SORT1: variants seen among roughly 807,000 people sequenced by gnomAD.
SORT1 encodes the protein sortilin.
In SORT1, 39 loss-of-function variants were observed where a neutral mutation model predicts 101.7. The ratio of observed to expected loss-of-function variants is 0.38; its 90% CI spans 0.30 to 0.50. The LOEUF is 0.50. SORT1 is among the 20% of genes least tolerant of loss of function. The probability of loss-of-function intolerance (pLI) is 0.90; values close to 1 mark genes in which losing one functional copy is unlikely to be tolerated. For synonymous variants in SORT1, 396 were observed against 393.7 expected (o/e 1.01, Z -0.07); for missense variants, 878 against 1,040.4 (o/e 0.84, Z 2.15).
intron 9 of SORT1, 26 bp downstream of exon 9, chr1:109,341,988 A>G: frequency 6.2e-7 from 1 of 1,605,546 alleles, no homozygotes; most frequent in Non-Finnish European, 8.5e-7. Flanking sequence ...TATGCTTTTA[A>G]GGGTAAGCCA....
chr1:109,317,999 C>T (rs372874714), intron 15 of SORT1, 30 bp from the exon 16 acceptor site: 31 of 1,423,316 alleles, frequency 2.2e-5, no homozygotes, highest in Non-Finnish European at 2.9e-5. Flanking sequence ...AAGTACCTTT[C>T]AAAGCAGCTG....
At chr1:109,334,492 C>T (rs1393992497) in intron 11 of SORT1, among the ~76,000 whole-genome samples, 2 of 152,138 alleles carry the variant, frequency 1.3e-5, no homozygotes. Flanking sequence ...GTCAAACTCA[C>T]AGAAGCAGGG....
At chr1:109,314,618 G>A (rs1398229793) in intron 18 of SORT1, 54 bp downstream of exon 18, 1 of 1,293,512 alleles carries the variant, frequency 7.7e-7, no homozygotes, top group Admixed American at 1.7e-5. Context: ...ATATGCCCTA[G>A]ATCAGCCTTC....
At chr1:109,378,405 C>T (rs1651992736) in intron 1 of SORT1, among the ~76,000 whole-genome samples, 1 of 151,816 alleles carries the variant, frequency 6.6e-6, no homozygotes, top group Admixed American at 6.6e-5. Context: ...GCCACTGGAT[C>T]ACTTAGACAG....
chr1:109,346,231 T>C (rs1649581859), intron 7 of SORT1, among the ~76,000 whole-genome samples: 1 of 149,916 alleles, frequency 6.7e-6, no homozygotes, highest in African/African-American at 2.5e-5. Context: ...GAGAATGGCG[T>C]GAACCCGGGA....
chr1:109,326,082 T>C (rs1221998586), intron 13 of SORT1, among the ~76,000 whole-genome samples: 1 of 148,998 alleles, frequency 6.7e-6, no homozygotes, highest in Non-Finnish European at 1.5e-5. Context: ...AGACGGGATC[T>C]CACTCTGTCA....
intron 13 of SORT1, 54 bp downstream of exon 13, chr1:109,326,938 T>C (rs1252656745): frequency 2.2e-6 from 3 of 1,342,598 alleles, no homozygotes; most frequent in Admixed American, 4.4e-5. Flanking sequence ...CTGAAGAACA[T>C]TCCCCCAGTT....
chr1:109,340,791 G>A lies in SORT1; in HGVS notation c.1197C>T (p.Gly399=), dbSNP rs185560022. 2.0e-5 allele frequency: 32 copies of A among 1,613,986 alleles called. No individual in the cohort carries two copies. The Admixed American group carries it at 3.7e-4, about 18-fold the overall frequency. Residue 399 remains glycine, a synonymous_variant, in exon 10 of 20, where the codon GGC becomes GGT. Transcript: ENST00000256637. ...TCACGTTGGTAAAGTCCGTCTCTCCGCCTGTGGTAGTGTAGAGATGTCGGT... is the reference window on the plus strand; with the variant it reads ...TCACGTTGGTAAAGTCCGTCTCTCCACCTGTGGTAGTGTAGAGATGTCGGT... ...SLDRHLYTTT[G]GETDFTNVTS... is the part of the protein sequence containing the mutation.
At chr1:109,346,186 G>A (rs1277713636) in intron 7 of SORT1, among the ~76,000 whole-genome samples, 5 of 151,730 alleles carry the variant, frequency 3.3e-5, no homozygotes, top group African/African-American at 9.7e-5. Flanking sequence ...GGTGGTGGGC[G>A]CCTGTAGTCC....
At chr1:109,370,310 A>G (rs1177895263) in intron 1 of SORT1, among the ~76,000 whole-genome samples, 1 of 152,112 alleles carries the variant, frequency 6.6e-6, no homozygotes, top group Non-Finnish European at 1.5e-5. Context: ...TACTTATACA[A>G]TAATATATAT....
chr1:109,331,688 G>A (rs564723431), intron 11 of SORT1, among the ~76,000 whole-genome samples: 39 of 151,634 alleles, frequency 2.6e-4, no homozygotes, highest in Admixed American at 1.6e-3. Flanking sequence ...GAGCAATTAA[G>A]TAAGAAAAAG....
intron 14 of SORT1, among the ~76,000 whole-genome samples, chr1:109,324,210 C>G (rs1362901786): frequency 6.6e-6 from 1 of 152,006 alleles, no homozygotes; most frequent in African/African-American, 2.4e-5. Flanking sequence ...CTCATTGCAA[C>G]CTCTTCCTCT....
intron 1 of SORT1, among the ~76,000 whole-genome samples, chr1:109,370,307 A>T (rs1414705549): frequency 6.6e-6 from 1 of 152,120 alleles, no homozygotes; most frequent in African/African-American, 2.4e-5. Context: ...CTCTACTTAT[A>T]CAATAATATA....
rs561885746 is a variant in SORT1, at chr1:109,342,254, A to G, written c.964-96T>C. 7 of 901,174 alleles carry G rather than the reference A, an allele frequency of 7.8e-6. No individual in the cohort carries two copies. The East Asian group carries it at 1.6e-4, about 20-fold the overall frequency. The allele number at this position is 901,174 out of a possible 1,614,324, so 55.8% of individuals were successfully genotyped here. ...ATGTTTTAAATAACTACTATTATCC[A>G]TTTCTCTACTGGGTACGATTGCTAT... On this transcript the variant is annotated intron_variant, in intron 8 of 19. Transcript: ENST00000256637.
rs780205555 is a variant in SORT1 at position 109,355,333 on chromosome 1, G to A, written c.543+34C>T. 5.7e-6 allele frequency: 6 copies of A among 1,052,022 alleles called. No individual in the cohort carries two copies. The Admixed American group carries it at 6.8e-5, about 12-fold the overall frequency. 65.2% of individuals were successfully genotyped at this position (1,052,022 alleles called of 1,614,324 possible). A position where few individuals can be genotyped will look rare whatever the true frequency, so the allele number is the denominator to read the frequency against. ...CTGACAGCTCTGCATGTGGTATCAAGCACAAGCTTTATGTATACAAGAATG... is the reference window on the plus strand; with the variant it reads ...CTGACAGCTCTGCATGTGGTATCAAACACAAGCTTTATGTATACAAGAATG... On this transcript the variant is annotated intron_variant, in intron 4 of 19. Transcript: ENST00000256637.
rs558373855 is a variant in SORT1 at position 109,333,116 on chromosome 1, C to T, written c.1371+3124G>A. ...CTAATTTTTGTATTTTTGGTAGAGACGGGATTTCACCATGTTGGCCAGGAT... is the reference window on the plus strand; with the variant it reads ...CTAATTTTTGTATTTTTGGTAGAGATGGGATTTCACCATGTTGGCCAGGAT... On this transcript the variant is annotated intron_variant, in intron 11 of 19. Transcript: ENST00000256637. Among the ~76,000 whole-genome samples the T allele has an allele frequency of 5.5e-4, 83 of 152,150 alleles. 1 individual carries two copies. The highest frequency in any genetic ancestry group is 2.3e-3 in the South Asian group (11 of 4,808).
At chr1:109,349,095 C>T (rs1649800579) in intron 6 of SORT1, among the ~76,000 whole-genome samples, 1 of 152,134 alleles carries the variant, frequency 6.6e-6, no homozygotes, top group Admixed American at 6.5e-5. Context: ...CCTGTAATCC[C>T]AGCACTTTTG....
chr1:109,359,602 C>A (rs994380831), intron 3 of SORT1, among the ~76,000 whole-genome samples: 1 of 152,106 alleles, frequency 6.6e-6, no homozygotes, highest in Non-Finnish European at 1.5e-5. Flanking sequence ...CAGGTTCAAG[C>A]GGTTCTCCTG....
At position 109,355,445 on chromosome 1, in the gene SORT1, C is replaced by T; in HGVS notation, c.465G>A (p.Lys155=). Residue 155 remains lysine (K), a synonymous_variant, in exon 4 of 20, where the codon AAG becomes AAA. Coordinates refer to ENST00000256637, the MANE Select transcript of SORT1 (RefSeq NM_002959.7). The part of the protein sequence containing the change: ...YRSEDYGKNF[K]DITDLINNTF... ...TGTTATTGATGAGATCTGTAATATC[C>T]TTAAAGTTCTTCCCATAATCCTCAC... The T allele has an allele frequency of 6.3e-7, 1 of 1,591,980 alleles. No individual in the cohort carries two copies. Among genetic ancestry groups the T allele is most frequent in the Non-Finnish European group, 8.6e-7 (1 of 1,160,006 alleles).
Sources: gnomAD v4.1 joint callset for allele counts (sites outside exome capture counted in the v4.1 genomes callset) on GRCh38, gnomAD v4.1.1 for gene constraint, MANE v1.5 for transcripts, NCBI Gene and HGNC (gene_info 2026-07-23, HGNC 2026-07-21) for gene names.